Variants in ADAMTSL1 observed in about 807,000 individuals in gnomAD.
ADAMTSL1 encodes ADAMTS-like protein 1.
A neutral mutation model predicts 201.8 loss-of-function variants in ADAMTSL1; 126 were observed. That is an observed-to-expected ratio of 0.62 (90% CI 0.54 to 0.72). The LOEUF (loss-of-function observed/expected upper bound fraction) is 0.72. ADAMTSL1 is among the 30% of genes least tolerant of loss of function. The pLI is 0.00. For synonymous variants in ADAMTSL1, 1,121 were observed against 903.4 expected (o/e 1.24, Z -4.32); for missense variants, 2,679 against 2,277.8 (o/e 1.18, Z -3.59).
intron 1 of ADAMTSL1, among the ~76,000 whole-genome samples, chr9:17,919,531 T>C (rs1826225728): frequency 6.6e-6 from 1 of 152,094 alleles, no homozygotes; most frequent in African/African-American, 2.4e-5. Flanking sequence ...TCTTAATACA[T>C]TTCCATGTTC....
chr9:18,098,654 T>C (rs1350904177), intron 1 of ADAMTSL1, among the ~76,000 whole-genome samples: 2 of 152,230 alleles, frequency 1.3e-5, no homozygotes. Context: ...CATGACATGC[T>C]AACAACTTCA....
At chr9:17,989,941 G>T (rs531810149) in intron 1 of ADAMTSL1, among the ~76,000 whole-genome samples, 7 of 144,650 alleles carry the variant, frequency 4.8e-5, no homozygotes, top group African/African-American at 1.8e-4. Context: ...TTTCCCAAAC[G>T]TATTCTGCTT....
In ADAMTSL1 at chr9:18,829,934, G is replaced by C. The variant is rs1459734088; in HGVS notation, c.4206G>C (p.Leu1402=). ...TTCCTTCAGTGCTGACGTCTCCTCT[G>C]GGAACACAGCTGGTCCTGGATCCTG... ...PNLPSVLTSP[L]GTQLVLDPGN... is the part of the protein sequence containing the mutation. Residue 1402 remains leucine (L), a synonymous_variant, in exon 23 of 29, where the codon CTG becomes CTC. Transcript: ENST00000380548. 6.2e-7 allele frequency: 1 copy of C among 1,613,586 alleles called. No homozygotes were observed. Among genetic ancestry groups the C allele is most frequent in the African/African-American group, 1.3e-5 (1 of 74,886 alleles).
intron 2 of ADAMTSL1, among the ~76,000 whole-genome samples, chr9:18,456,518 T>C (rs992885380): frequency 6.6e-6 from 1 of 152,204 alleles, no homozygotes; most frequent in African/African-American, 2.4e-5. Context: ...AGGGACATCA[T>C]TGGCAGCCTG....
intron 1 of ADAMTSL1, among the ~76,000 whole-genome samples, chr9:17,980,408 T>C (rs548394105): frequency 2.6e-5 from 4 of 152,270 alleles, no homozygotes; most frequent in South Asian, 4.1e-4. Flanking sequence ...TTCTATCTTC[T>C]AATTTACCAA....
chr9:18,256,568 A>T (rs1055835999), intron 2 of ADAMTSL1, among the ~76,000 whole-genome samples: 4 of 152,230 alleles, frequency 2.6e-5, no homozygotes, highest in African/African-American at 9.6e-5. Context: ...AGACATGAAT[A>T]GAATATGGTT....
intron 1 of ADAMTSL1, among the ~76,000 whole-genome samples, chr9:18,073,376 G>A (rs1823051465): frequency 6.6e-6 from 1 of 152,160 alleles, no homozygotes; most frequent in Non-Finnish European, 1.5e-5. Context: ...CTCCTGCAAA[G>A]AGCTGCTTTA....
chr9:18,320,057 C>G (rs1834559226), intron 2 of ADAMTSL1, among the ~76,000 whole-genome samples: 1 of 152,036 alleles, frequency 6.6e-6, no homozygotes, highest in Non-Finnish European at 1.5e-5. Context: ...CAGCCCTCAT[C>G]TGACAGCCAG....
intron 2 of ADAMTSL1, among the ~76,000 whole-genome samples, chr9:18,303,348 AG>A (rs1408830095): frequency 6.6e-6 from 1 of 152,206 alleles, no homozygotes; most frequent in Non-Finnish European, 1.5e-5. Flanking sequence ...AGAACTAGTC[AG>A]GTCTTCCAGC....
At chr9:18,850,427 C>T (rs1486437521) in intron 23 of ADAMTSL1, among the ~76,000 whole-genome samples, 1 of 152,212 alleles carries the variant, frequency 6.6e-6, no homozygotes, top group Non-Finnish European at 1.5e-5. Flanking sequence ...GCTATAATGG[C>T]AGTTTTACAG....
intron 1 of ADAMTSL1, among the ~76,000 whole-genome samples, chr9:17,983,988 T>G (rs1401179222): frequency 2.0e-5 from 3 of 152,144 alleles, no homozygotes; most frequent in Admixed American, 2.0e-4. Flanking sequence ...TAAGTTAAAT[T>G]TAAGTGATTT....
At chr9:17,950,792 A>G (rs566958599) in intron 1 of ADAMTSL1, among the ~76,000 whole-genome samples, 36 of 152,190 alleles carry the variant, frequency 2.4e-4, no homozygotes, top group Non-Finnish European at 4.4e-4. Context: ...AATTTAATAA[A>G]AGGACTGTTT....
chr9:18,608,338 C>G (rs1323754873), intron 4 of ADAMTSL1, among the ~76,000 whole-genome samples: 1 of 152,134 alleles, frequency 6.6e-6, no homozygotes, highest in Non-Finnish European at 1.5e-5. Context: ...ATTTCACTCT[C>G]TAATTAGATA....
At chr9:18,696,616 T>C (rs1256733069) in intron 13 of ADAMTSL1, among the ~76,000 whole-genome samples, 1 of 152,124 alleles carries the variant, frequency 6.6e-6, no homozygotes, top group Non-Finnish European at 1.5e-5. Context: ...CGATGTTATC[T>C]TCAGTGATCA....
intron 23 of ADAMTSL1, among the ~76,000 whole-genome samples, chr9:18,872,937 C>G (rs914106203): frequency 2.0e-5 from 3 of 152,016 alleles, no homozygotes; most frequent in Non-Finnish European, 4.4e-5. Flanking sequence ...ATAGTTCCAC[C>G]AGCAGTGTAA....
At chr9:18,103,334 G>T (rs1028527651) in intron 1 of ADAMTSL1, among the ~76,000 whole-genome samples, 2 of 152,020 alleles carry the variant, frequency 1.3e-5, no homozygotes, top group African/African-American at 4.8e-5. Context: ...TTTATTACAT[G>T]CTACATATAT....
chr9:18,104,200 T>TA (rs1403448392), intron 1 of ADAMTSL1, among the ~76,000 whole-genome samples: 1 of 152,202 alleles, frequency 6.6e-6, no homozygotes, highest in African/African-American at 2.4e-5. Flanking sequence ...TTGTGAACAG[T>TA]ATCTCCCAGT....
At chr9:18,288,025 C>A (rs994750055) in intron 2 of ADAMTSL1, among the ~76,000 whole-genome samples, 3 of 152,046 alleles carry the variant, frequency 2.0e-5, no homozygotes, top group Non-Finnish European at 4.4e-5. Context: ...TAGGACTGGG[C>A]TTGAAAGAAC....
chr9:18,756,076 AATATATATATATATATATAT>A (rs55717414), intron 16 of ADAMTSL1, among the ~76,000 whole-genome samples: 1,298 of 80,700 alleles, frequency 0.016, 80 homozygotes, highest in Middle Eastern at 0.1. Flanking sequence ...CTCTACTGAA[AATATATATATATATATATAT>A]ATATATATAT....
Sources: allele counts gnomAD v4.1 joint callset (sites outside exome capture counted in the v4.1 genomes callset), GRCh38; gene constraint gnomAD v4.1.1; transcripts MANE v1.5; gene names NCBI Gene and HGNC (gene_info 2026-07-23, HGNC 2026-07-21).